The following EPS8 variants were observed in gnomAD, a reference collection of about 807,000 sequenced individuals.
EPS8 encodes the protein epidermal growth factor receptor kinase substrate 8.
A neutral mutation model predicts 103.8 loss-of-function variants in EPS8; 42 were observed. That is an observed-to-expected ratio of 0.40 (90% CI 0.32 to 0.52). The LOEUF is 0.52. EPS8 is among the 20% of genes least tolerant of loss of function. The probability of loss-of-function intolerance (pLI) is 0.40; values close to 1 mark genes in which losing one functional copy is unlikely to be tolerated. For missense variants in EPS8, 969 were observed against 1,005.1 expected (o/e 0.96, Z 0.49); for synonymous variants, 344 against 344.6 (o/e 1.00, Z 0.02).
In EPS8 at chr12:15,717,229, T is replaced by G; in HGVS notation, c.-21-34257A>C. ...AAATGATGGGAATTTGTTAAAACAT[T>G]CAATGAGTCAGTATGGGTTGAAGCT... On this transcript the variant is annotated intron_variant, in intron 1 of 20. Coordinates refer to ENST00000281172, the MANE Select transcript of EPS8 (RefSeq NM_004447.6). This position sits in a 1 kb window ranked among gnomAD's most constrained non-coding sequence, Gnocchi z 4.3. Among the ~76,000 whole-genome samples the G allele has an allele frequency of 6.6e-6, 1 of 152,132 alleles. No homozygotes were observed. Among genetic ancestry groups the G allele is most frequent in the African/African-American group, 2.4e-5 (1 of 41,414 alleles).
intron 6 of EPS8, 47 bp downstream of exon 6, chr12:15,669,340 C>A (rs1049102441): frequency 1.3e-6 from 2 of 1,547,934 alleles, no homozygotes; most frequent in Middle Eastern, 1.7e-4. Flanking sequence ...CAAAAGCTCC[C>A]AGACAATCTG....
chr12:15,658,632 AT>A, intron 10 of EPS8, 47 bp from the exon 11 acceptor site: 1 of 1,277,576 alleles, frequency 7.8e-7, no homozygotes, highest in Non-Finnish European at 1.1e-6. Context: ...ATCCAAGGAA[AT>A]TTATTAAATG....
At position 15,751,377 on chromosome 12, in the gene EPS8, A is replaced by G. The variant is rs1184535514; in HGVS notation, c.-22+37784T>C. ...CATCTCAACAAAAAAAAGAATCCAC[A>G]TTATCAATTTCTGCCTTCTAGCCTC... is the stretch of plus-strand genomic sequence containing the variant. On this transcript the variant is annotated intron_variant, in intron 1 of 20. Transcript: ENST00000281172. The surrounding 1 kb of genome is among the most constrained non-coding windows in gnomAD (Gnocchi z 4.3). Among the ~76,000 whole-genome samples the G allele has an allele frequency of 2.0e-5, 3 of 152,020 alleles. No individual in the cohort carries two copies. The highest frequency in any genetic ancestry group is 4.1e-4 in the South Asian group (2 of 4,824).
At chr12:15,632,622 A>G (rs1257456009) in intron 17 of EPS8, among the ~76,000 whole-genome samples, 1 of 152,234 alleles carries the variant, frequency 6.6e-6, no homozygotes. Context: ...AGCATATTAC[A>G]TGCAAAAAGA....
At chr12:15,641,604 C>A in intron 16 of EPS8, 118 bp downstream of exon 16, 1 of 481,758 alleles carries the variant, frequency 2.1e-6, no homozygotes, top group Non-Finnish European at 3.6e-6. Flanking sequence ...GTAGATATTT[C>A]TAATATACTA....
rs1456843294 is a variant in EPS8 at position 15,700,273 on chromosome 12, C to T, written c.-21-17301G>A. The stretch of plus-strand genomic sequence containing the variant: ...TTTTTAATGTGGTTATGAAGAACCA[C>T]TCTAACGTATTCTTTTCTATCTTCT... On this transcript the variant is annotated intron_variant, in intron 1 of 20. Coordinates refer to ENST00000281172, the MANE Select transcript of EPS8 (RefSeq NM_004447.6). This position sits in a 1 kb window ranked among gnomAD's most constrained non-coding sequence, Gnocchi z 5.1. Among the ~76,000 whole-genome samples the T allele has an allele frequency of 6.6e-6, 1 of 152,188 alleles. No homozygotes were observed. The highest frequency in any genetic ancestry group is 1.5e-5 in the Non-Finnish European group (1 of 68,018).
At chr12:15,649,499 G>T (rs1945376024) in intron 14 of EPS8, among the ~76,000 whole-genome samples, 2 of 152,032 alleles carry the variant, frequency 1.3e-5, no homozygotes, top group South Asian at 2.1e-4. Context: ...GATGAGGCCT[G>T]AACTATGAAA....
At chr12:15,705,442 A>G (rs1946372711) in intron 1 of EPS8, among the ~76,000 whole-genome samples, 1 of 152,222 alleles carries the variant, frequency 6.6e-6, no homozygotes, top group Non-Finnish European at 1.5e-5. Context: ...TGGGTAAAAC[A>G]TTCATTCAAC....
chr12:15,648,542 T>C (rs967331017), intron 14 of EPS8, among the ~76,000 whole-genome samples: 2 of 152,152 alleles, frequency 1.3e-5, no homozygotes, highest in African/African-American at 4.8e-5. Context: ...CCATTTAAAT[T>C]AAAAAAATCT....
chr12:15,667,185 G>A (rs527916722), intron 6 of EPS8, among the ~76,000 whole-genome samples: 1 of 152,166 alleles, frequency 6.6e-6, no homozygotes, highest in Non-Finnish European at 1.5e-5. Flanking sequence ...ATATTAGAAT[G>A]TTGATGAGAT....
rs1947230293 is a variant in EPS8 at position 15,778,576 on chromosome 12, A to G, written c.-22+10585T>C. 6.6e-6 allele frequency among the ~76,000 whole-genome samples: 1 copy of G among 152,232 alleles called. No homozygotes were observed. Among genetic ancestry groups the G allele is most frequent in the African/African-American group, 2.4e-5 (1 of 41,466 alleles). ...TTCTGAGAATACAGATAAACACTAA[A>G]ACAGTAAGGACAACTCAATCTGAAG... On this transcript the variant is annotated intron_variant, in intron 1 of 20. Transcript: ENST00000281172. The surrounding 1 kb of genome is among the most constrained non-coding windows in gnomAD (Gnocchi z 4.5).
At chr12:15,732,109 A>T (rs1295637930) in intron 1 of EPS8, among the ~76,000 whole-genome samples, 1 of 152,192 alleles carries the variant, frequency 6.6e-6, no homozygotes, top group Non-Finnish European at 1.5e-5. Context: ...CTCATTAGTG[A>T]CCAATTAACC....
chr12:15,640,066 T>C (rs951306593), intron 17 of EPS8, among the ~76,000 whole-genome samples: 4 of 152,168 alleles, frequency 2.6e-5, no homozygotes, highest in Non-Finnish European at 4.4e-5. Flanking sequence ...CTGACCAGGG[T>C]CACTGAAATC....
chr12:15,746,420 C>T (rs1264179767), intron 1 of EPS8, among the ~76,000 whole-genome samples: 2 of 152,096 alleles, frequency 1.3e-5, no homozygotes, highest in Non-Finnish European at 2.9e-5. Flanking sequence ...CTTCCTTTCT[C>T]CTCATCACTC....
Position 15,752,065 on chromosome 12 carries a change from G to A in EPS8, c.-22+37096C>T, listed in dbSNP as rs1390101793. Among the ~76,000 whole-genome samples, 1 of 152,170 alleles carries A rather than the reference G, an allele frequency of 6.6e-6. No homozygotes were observed. On this transcript the variant is annotated intron_variant, in intron 1 of 20. Coordinates refer to ENST00000281172, the MANE Select transcript of EPS8 (RefSeq NM_004447.6). The surrounding 1 kb of genome is among the most constrained non-coding windows in gnomAD (Gnocchi z 4.4). ...TTTCATCATACAAGCAAGACAGAAG[G>A]CCAGTTATCAGACTGAGACACAAAG...
In EPS8 at chr12:15,623,643, T is replaced by C. The variant is rs1298110984; in HGVS notation, c.2226-356A>G. Among the ~76,000 whole-genome samples, 5 of 152,156 alleles carry C rather than the reference T, an allele frequency of 3.3e-5. No individual in the cohort carries two copies. In the East Asian group the frequency reaches 9.6e-4, roughly 29 times the overall value. On this transcript the variant is annotated intron_variant, in intron 19 of 20. Transcript: ENST00000281172. ...TATCTCATTTTTCAATCATGCTGGG[T>C]AGGTGAGTTTATAATATGTCAAGGT...
chr12:15,692,593 G>A (rs1946190333), intron 1 of EPS8, among the ~76,000 whole-genome samples: 1 of 151,990 alleles, frequency 6.6e-6, no homozygotes, highest in Non-Finnish European at 1.5e-5. Context: ...TTTTCCTAAA[G>A]TCCGGGAAAT....
At chr12:15,626,292 C>T (rs1348312293) in intron 18 of EPS8, among the ~76,000 whole-genome samples, 1 of 152,130 alleles carries the variant, frequency 6.6e-6, no homozygotes, top group East Asian at 1.9e-4. Context: ...TACCACCCTA[C>T]CCATTTCTCT....
intron 3 of EPS8, among the ~76,000 whole-genome samples, chr12:15,680,259 T>G (rs1945981954): frequency 6.6e-6 from 1 of 152,184 alleles, no homozygotes; most frequent in Non-Finnish European, 1.5e-5. Context: ...AGCCAAGAAG[T>G]TGCAGATCTA....
Sources: gnomAD v4.1 joint callset for allele counts (sites outside exome capture counted in the v4.1 genomes callset) on GRCh38, gnomAD v4.1.1 for gene constraint, Gnocchi (gnomAD v3.1) non-coding constraint, MANE v1.5 for transcripts, NCBI Gene and HGNC (gene_info 2026-07-23, HGNC 2026-07-21) for gene names.